The following SCUBE1 variants were observed in gnomAD, a reference collection of about 807,000 sequenced individuals.
SCUBE1 encodes signal peptide, CUB domain and EGF like domain containing 1, also known as signal peptide, CUB and EGF-like domain-containing protein 1.
Under a neutral mutation model 124.4 loss-of-function variants are expected in SCUBE1, and 59 were observed. That is an observed-to-expected ratio of 0.47 (90% CI 0.38 to 0.59). The LOEUF (loss-of-function observed/expected upper bound fraction) is 0.59, where lower values mean the gene tolerates loss of function less well. Among genes scored for constraint, SCUBE1 ranks in the 20% least tolerant of loss-of-function variants. SCUBE1 has a pLI of 0.00. For missense variants in SCUBE1, 1,150 were observed against 1,371.2 expected (o/e 0.84, Z 2.55); for synonymous variants, 545 against 550.9 (o/e 0.99, Z 0.15).
chr22:43,343,130 G>A (rs928672563), intron 1 of SCUBE1, 44 bp downstream of exon 1: 30 of 1,022,638 alleles, frequency 2.9e-5, no homozygotes, highest in Admixed American at 5.1e-5. Flanking sequence ...TCGGCCGCCC[G>A]AGCCCCCCGC....
chr22:43,204,508 A>G (rs1921138378), intron 21 of SCUBE1, among the ~76,000 whole-genome samples: 1 of 151,948 alleles, frequency 6.6e-6, no homozygotes. Flanking sequence ...CATGTTGGCC[A>G]GCTTGGTCTC....
At chr22:43,290,237 TCTCTCCTCCAAGCACATGTGTCCTGGCC>T (rs1925306454) in intron 4 of SCUBE1, among the ~76,000 whole-genome samples, 2 of 150,126 alleles carry the variant, frequency 1.3e-5, no homozygotes, top group Admixed American at 6.6e-5. Flanking sequence ...GTGTCCTGGC[TCTCTCCTCCAAGCACATGTGTCCTGGCC>T]CTCTCCTCCA....
At chr22:43,329,882 T>C (rs931620548) in intron 2 of SCUBE1, among the ~76,000 whole-genome samples, 5 of 152,158 alleles carry the variant, frequency 3.3e-5, no homozygotes, top group African/African-American at 1.2e-4. Context: ...TGGTTTTTGC[T>C]GGTTAGCATT....
chr22:43,225,456 A>G (rs1420881833), intron 10 of SCUBE1, among the ~76,000 whole-genome samples: 1 of 151,838 alleles, frequency 6.6e-6, no homozygotes, highest in Non-Finnish European at 1.5e-5. Context: ...GATGGAAGAA[A>G]AAGTTCAAAA....
chr22:43,248,687 C>T (rs1415000653), intron 6 of SCUBE1, among the ~76,000 whole-genome samples: 1 of 152,246 alleles, frequency 6.6e-6, no homozygotes, highest in Admixed American at 6.5e-5. Context: ...GGGCTTGCCC[C>T]CGCTTTCCTT....
At position 43,229,006 on chromosome 22, in the gene SCUBE1, G is replaced by A. The variant is rs1005924578; in HGVS notation, c.1084+66C>T. 6.9e-6 allele frequency: 8 copies of A among 1,152,132 alleles called. No individual in the cohort carries two copies. The South Asian group carries it at 1.0e-4, about 15-fold the overall frequency. 71.4% of individuals were successfully genotyped at this position (1,152,132 alleles called of 1,614,324 possible). A position where few individuals can be genotyped will look rare whatever the true frequency, so the allele number is the denominator to read the frequency against. On this transcript the variant is annotated intron_variant, in intron 9 of 21. Transcript: ENST00000360835. The stretch of plus-strand genomic sequence containing the variant: ...GCAGGGTTGGGATGCGGGGTGCAGT[G>A]TAGGTGGCCGTGCGGCCAGGCGCGT...
intron 1 of SCUBE1, among the ~76,000 whole-genome samples, chr22:43,342,303 G>A (rs999081867): frequency 6.6e-6 from 1 of 152,008 alleles, no homozygotes; most frequent in Non-Finnish European, 1.5e-5. Context: ...TGGGCCTGTG[G>A]CCTCCGGGTC....
chr22:43,220,339 G>T, intron 14 of SCUBE1, 111 bp downstream of exon 14: 1 of 1,258,470 alleles, frequency 7.9e-7, no homozygotes, highest in Non-Finnish European at 1.1e-6. Context: ...CCCAGCCACA[G>T]CTGTGCTCTG....
At chr22:43,242,949 G>A (rs1385017608) in intron 6 of SCUBE1, among the ~76,000 whole-genome samples, 6 of 152,248 alleles carry the variant, frequency 3.9e-5, no homozygotes, top group African/African-American at 1.4e-4. Flanking sequence ...TACATTGCCT[G>A]TCCAGGCAGG....
chr22:43,337,203 C>T (rs9623815), intron 2 of SCUBE1, among the ~76,000 whole-genome samples: 2,859 of 152,218 alleles, frequency 0.019, 95 homozygotes, highest in African/African-American at 0.066. Context: ...CAGAGCTGGG[C>T]TTGGGACAAA....
chr22:43,339,931 A>T (rs866632731), intron 1 of SCUBE1, among the ~76,000 whole-genome samples: 43 of 14,774 alleles, frequency 2.9e-3, no homozygotes, highest in South Asian at 4.5e-3. Context: ...CAACAAGCAT[A>T]GCTCCAACCC....
intron 4 of SCUBE1, among the ~76,000 whole-genome samples, chr22:43,272,985 T>C (rs186318684): frequency 0.01 from 1,599 of 152,356 alleles, 14 homozygotes; most frequent in South Asian, 0.015. Flanking sequence ...CAGCGCTCTT[T>C]CTTTCACATC....
chr22:43,236,470 G>A (rs1419536148), intron 7 of SCUBE1, among the ~76,000 whole-genome samples: 1 of 152,240 alleles, frequency 6.6e-6, no homozygotes, highest in African/African-American at 2.4e-5. Flanking sequence ...AGACCCTACT[G>A]TGACCCCACT....
chr22:43,275,258 G>A (rs988167312), intron 4 of SCUBE1, among the ~76,000 whole-genome samples: 3 of 152,256 alleles, frequency 2.0e-5, no homozygotes, highest in African/African-American at 7.2e-5. Flanking sequence ...AGCTGTGGAA[G>A]GGAGCAAGGT....
intron 5 of SCUBE1, among the ~76,000 whole-genome samples, chr22:43,260,566 G>A (rs534405861): frequency 6.6e-6 from 1 of 152,242 alleles, no homozygotes; most frequent in African/African-American, 2.4e-5. Flanking sequence ...TCAAGGACTA[G>A]AGCGAATGCC....
intron 15 of SCUBE1, among the ~76,000 whole-genome samples, chr22:43,214,824 G>A (rs1025869805): frequency 1.3e-5 from 2 of 152,204 alleles, no homozygotes; most frequent in Non-Finnish European, 2.9e-5. Context: ...AGTAAGTAAG[G>A]AAACTGAGTA....
chr22:43,217,468 C>G (rs1921882043), intron 15 of SCUBE1, among the ~76,000 whole-genome samples: 1 of 151,992 alleles, frequency 6.6e-6, no homozygotes, highest in South Asian at 2.1e-4. Context: ...CTGTCTCTCC[C>G]TAGGAGCCCC....
In SCUBE1 at chr22:43,203,796, G is replaced by T; in HGVS notation, c.*201C>A. 1.8e-6 allele frequency: 1 copy of T among 563,936 alleles called. No individual in the cohort carries two copies. Among genetic ancestry groups the T allele is most frequent in the Non-Finnish European group, 3.1e-6 (1 of 320,612 alleles). 34.9% of individuals were successfully genotyped at this position (563,936 alleles called of 1,614,324 possible). A position where few individuals can be genotyped will look rare whatever the true frequency, so the allele number is the denominator to read the frequency against. On this transcript the variant is annotated 3_prime_UTR_variant, in exon 22 of 22. Transcript: ENST00000360835. Reference sequence around the variant, plus strand: ...AAGGGAGGCAGAGGGAGGGAGGGAGGCTTCCTGAAGCAGGGTGCTCCCACA... The same window carrying T: ...AAGGGAGGCAGAGGGAGGGAGGGAGTCTTCCTGAAGCAGGGTGCTCCCACA...
rs372781298 is a variant in SCUBE1, at chr22:43,338,029, G to A, written c.220+1075C>T. Among the ~76,000 whole-genome samples the A allele has an allele frequency of 7.9e-5, 12 of 152,242 alleles. No individual in the cohort carries two copies. In the South Asian group the frequency reaches 1.5e-3, roughly 18 times the overall value. On this transcript the variant is annotated intron_variant, in intron 2 of 21. Coordinates refer to ENST00000360835, the MANE Select transcript of SCUBE1 (RefSeq NM_173050.5). ...GAGCCTCAGCTTTCCTCATTTATAC[G>A]ATGGGTGCAGACAGGGAAGACTGGG...
Sources: allele counts gnomAD v4.1 joint callset (sites outside exome capture counted in the v4.1 genomes callset), GRCh38; gene constraint gnomAD v4.1.1; transcripts MANE v1.5; gene names NCBI Gene and HGNC (gene_info 2026-07-23, HGNC 2026-07-21).